Variants in GRAMD1B observed in about 807,000 individuals in gnomAD.
The protein encoded by GRAMD1B is GRAM domain containing 1B, also known as protein Aster-B.
In GRAMD1B, 37 loss-of-function variants were observed where a neutral mutation model predicts 99.7. That is an observed-to-expected ratio of 0.37 (90% confidence interval 0.29 to 0.49). GRAMD1B has a LOEUF of 0.49. Ranked by LOEUF, GRAMD1B falls within the 20% of genes least tolerant of loss-of-function variation. The probability of loss-of-function intolerance (pLI) is 0.98; values close to 1 mark genes in which losing one functional copy is unlikely to be tolerated. For missense variants in GRAMD1B, 888 were observed against 1,009.2 expected, an observed-to-expected ratio of 0.88 and a Z score of 1.63; for synonymous variants, 427 against 387.6, an observed-to-expected ratio of 1.10 and a Z score of -1.19.
At chr11:123,419,446 A>G (rs1948344703) in intron 1 of GRAMD1B, among the ~76,000 whole-genome samples, 3 of 152,204 alleles carry the variant, frequency 2.0e-5, no homozygotes, top group African/African-American at 7.2e-5. Context: ...CCTGGGCAAC[A>G]TAGCCAGACC....
intron 2 of GRAMD1B, among the ~76,000 whole-genome samples, chr11:123,483,410 A>G (rs1489102735): frequency 8.8e-6 from 1 of 114,112 alleles, no homozygotes; most frequent in South Asian, 2.7e-4. Context: ...TTTTTTTTTG[A>G]GATAGGGTCT....
At chr11:123,607,410 G>C (rs577554157) in intron 11 of GRAMD1B, among the ~76,000 whole-genome samples, 1 of 152,304 alleles carries the variant, frequency 6.6e-6, no homozygotes, top group South Asian at 2.1e-4. Flanking sequence ...GAAATCAATT[G>C]ATGGATTTCC....
intron 2 of GRAMD1B, among the ~76,000 whole-genome samples, chr11:123,537,422 A>G (rs1455731142): frequency 1.3e-5 from 2 of 152,220 alleles, no homozygotes; most frequent in Non-Finnish European, 2.9e-5. Flanking sequence ...AATGACATGC[A>G]AAGCTCCTTT....
At chr11:123,422,282 T>C (rs1948468794) in intron 1 of GRAMD1B, among the ~76,000 whole-genome samples, 1 of 152,188 alleles carries the variant, frequency 6.6e-6, no homozygotes, top group East Asian at 1.9e-4. Context: ...TGAATTTCAT[T>C]GAGGCAAGAG....
chr11:123,501,313 G>A (rs925884871), intron 2 of GRAMD1B, among the ~76,000 whole-genome samples: 1 of 152,092 alleles, frequency 6.6e-6, no homozygotes, highest in Admixed American at 6.6e-5. Flanking sequence ...TGGGACCACA[G>A]GCACGTGCCA....
At chr11:123,418,320 A>C (rs750284978) in intron 1 of GRAMD1B, among the ~76,000 whole-genome samples, 2 of 152,164 alleles carry the variant, frequency 1.3e-5, no homozygotes, top group East Asian at 3.9e-4. Flanking sequence ...GCCCATCTGG[A>C]GATCTTTGAA....
chr11:123,424,087 A>G (rs1170673699), intron 1 of GRAMD1B, among the ~76,000 whole-genome samples: 1 of 151,926 alleles, frequency 6.6e-6, no homozygotes, highest in Non-Finnish European at 1.5e-5. Context: ...TACCAGAACT[A>G]TTTGCCATTC....
intron 1 of GRAMD1B, among the ~76,000 whole-genome samples, chr11:123,388,900 T>A (rs984435090): frequency 6.6e-6 from 1 of 152,208 alleles, no homozygotes; most frequent in Non-Finnish European, 1.5e-5. Context: ...TCCAGGTTCA[T>A]GTGTTTTGTT....
chr11:123,576,938 A>G (rs1380614423), intron 2 of GRAMD1B, among the ~76,000 whole-genome samples: 1 of 152,278 alleles, frequency 6.6e-6, no homozygotes, highest in African/African-American at 2.4e-5. Context: ...CATGAACAAA[A>G]ATATCTGAAC....
chr11:123,513,158 T>G (rs1941210771), intron 2 of GRAMD1B, among the ~76,000 whole-genome samples: 1 of 152,244 alleles, frequency 6.6e-6, no homozygotes, highest in Non-Finnish European at 1.5e-5. Flanking sequence ...GCTTCCCTTT[T>G]TATTTCTGAG....
chr11:123,514,062 G>C (rs1221685211), intron 2 of GRAMD1B, among the ~76,000 whole-genome samples: 1 of 152,218 alleles, frequency 6.6e-6, no homozygotes, highest in Admixed American at 6.5e-5. Flanking sequence ...AGAGAGTTCA[G>C]TATGGAGAGT....
intron 4 of GRAMD1B, among the ~76,000 whole-genome samples, chr11:123,593,381 C>T (rs930269917): frequency 6.6e-6 from 1 of 152,150 alleles, no homozygotes; most frequent in African/African-American, 2.4e-5. Context: ...GAAGTGAGCA[C>T]AGGACCAGGG....
intron 2 of GRAMD1B, among the ~76,000 whole-genome samples, chr11:123,486,728 A>G (rs557487174): frequency 3.3e-5 from 5 of 152,340 alleles, no homozygotes; most frequent in African/African-American, 1.2e-4. Context: ...CAAGTATAAT[A>G]TAATGTAATA....
rs372851093 is a variant in GRAMD1B at position 123,362,852 on chromosome 11, G to A, written c.-176+4053G>A. Among the ~76,000 whole-genome samples the A allele has an allele frequency of 9.9e-5, 15 of 152,228 alleles. No individual in the cohort carries two copies. In the East Asian group the frequency reaches 1.7e-3, roughly 18 times the overall value. On this transcript the variant is annotated intron_variant, in intron 1 of 20. Transcript: ENST00000638157. ...CGAACCTGGAGATACAGGCTGCCCC[G>A]GAAGGCAAGGGCAGCCCTGGTGAGG...
rs528928014 is a variant in GRAMD1B at position 123,611,858 on chromosome 11, G to A, written c.1920-903G>A. Among the ~76,000 whole-genome samples, 100 of 152,102 alleles carry A rather than the reference G, an allele frequency of 6.6e-4. 1 individual carries two copies. Among genetic ancestry groups the A allele is most frequent in the African/African-American group, 2.0e-3 (83 of 41,496 alleles). On this transcript the variant is annotated intron_variant, in intron 14 of 19. Transcript: ENST00000635736. ...GGGCTGGCAGCCTTAGTCACAGGGC[G>A]GGATGGGGCGGGATGGATTAGCTGG... is the stretch of plus-strand genomic sequence containing the variant.
chr11:123,363,683 C>T (rs1420120087), intron 1 of GRAMD1B, among the ~76,000 whole-genome samples: 1 of 152,092 alleles, frequency 6.6e-6, no homozygotes. Flanking sequence ...CTCACTTTGG[C>T]TGAACTTGCC....
In GRAMD1B at chr11:123,549,536, A is replaced by G. The variant is rs1176449584; in HGVS notation, c.453-27831A>G. 4.6e-5 allele frequency among the ~76,000 whole-genome samples: 7 copies of G among 151,992 alleles called. No individual in the cohort carries two copies. The East Asian group carries it at 1.2e-3, about 25-fold the overall frequency. ...CAGTCTAGGCGACAGAGTGAGACTCAGTCTCAAAAAAAAAAGAATGATTGT... is the reference window on the plus strand; with the variant it reads ...CAGTCTAGGCGACAGAGTGAGACTCGGTCTCAAAAAAAAAAGAATGATTGT... On this transcript the variant is annotated intron_variant, in intron 2 of 19. Transcript: ENST00000635736.
At chr11:123,526,674 T>C (rs1327447636) in intron 2 of GRAMD1B, among the ~76,000 whole-genome samples, 3 of 152,062 alleles carry the variant, frequency 2.0e-5, no homozygotes, top group Admixed American at 2.0e-4. Context: ...GGGGCCAGGC[T>C]CCATCTTCTA....
intron 1 of GRAMD1B, among the ~76,000 whole-genome samples, chr11:123,460,690 G>A (rs1950369347): frequency 6.6e-6 from 1 of 152,228 alleles, no homozygotes; most frequent in Non-Finnish European, 1.5e-5. Context: ...GGTTGGGTCA[G>A]CAGGATTTGG....
Sources: gnomAD v4.1 joint callset for allele counts (sites outside exome capture counted in the v4.1 genomes callset) on GRCh38, gnomAD v4.1.1 for gene constraint, MANE v1.5 for transcripts, NCBI Gene and HGNC (gene_info 2026-07-23, HGNC 2026-07-21) for gene names.